Variants in ADGRV1 observed in about 807,000 individuals in gnomAD.
ADGRV1 encodes the protein adhesion G protein-coupled receptor V1, also known as G-protein coupled receptor 98.
In ADGRV1, 359 loss-of-function variants were observed where a neutral mutation model predicts 596.2. That is an observed-to-expected ratio of 0.60 (90% confidence interval 0.55 to 0.66). The LOEUF is 0.66. Ranked by LOEUF, ADGRV1 falls within the 30% of genes least tolerant of loss-of-function variation. ADGRV1 has a pLI of 0.00. For synonymous variants in ADGRV1, 2,681 were observed against 2,679.2 expected (o/e 1.00, Z -0.02); for missense variants, 7,274 against 7,575.6 (o/e 0.96, Z 1.48).
intron 70 of ADGRV1, among the ~76,000 whole-genome samples, chr5:90,794,208 C>T (rs867008169): frequency 6.6e-6 from 1 of 152,148 alleles, no homozygotes; most frequent in South Asian, 2.1e-4. Context: ...TGGCTTCTAA[C>T]CTGCAAGTGG....
chr5:91,107,422 G>GTTTTGTTTTTGT (rs141924606), intron 87 of ADGRV1, among the ~76,000 whole-genome samples: 214 of 150,678 alleles, frequency 1.4e-3, no homozygotes, highest in African/African-American at 4.2e-3. Flanking sequence ...GTTTCGTTTT[G>GTTTTGTTTTTGT]TTTTGTTTTT....
intron 85 of ADGRV1, among the ~76,000 whole-genome samples, chr5:91,014,467 T>C (rs1783013497): frequency 6.6e-6 from 1 of 152,068 alleles, no homozygotes; most frequent in East Asian, 1.9e-4. Flanking sequence ...CTCTTCTTTG[T>C]ACATCTGGTA....
chr5:91,157,052 A>G (rs1357282477), intron 89 of ADGRV1, among the ~76,000 whole-genome samples: 1 of 152,214 alleles, frequency 6.6e-6, no homozygotes, highest in African/African-American at 2.4e-5. Context: ...CCCTTTGGAC[A>G]TGAGCTCTTC....
intron 83 of ADGRV1, among the ~76,000 whole-genome samples, chr5:90,925,062 G>A (rs1211251614): frequency 6.6e-6 from 1 of 151,972 alleles, no homozygotes; most frequent in African/African-American, 2.4e-5. Context: ...AAGTCAGGTA[G>A]TGTGATGCCT....
chr5:90,628,875 C>T, intron 8 of ADGRV1, 43 bp downstream of exon 8: 2 of 1,573,944 alleles, frequency 1.3e-6, no homozygotes, highest in Middle Eastern at 1.7e-4. Flanking sequence ...TATTTCTGTG[C>T]TGTACAAGAA....
chr5:90,970,110 C>T (rs1239718985), intron 84 of ADGRV1, among the ~76,000 whole-genome samples: 2 of 152,220 alleles, frequency 1.3e-5, no homozygotes, highest in Non-Finnish European at 2.9e-5. Context: ...CCCACGCCCA[C>T]GGAGCCTCAC....
At chr5:90,740,685 A>T (rs1191258968) in intron 50 of ADGRV1, among the ~76,000 whole-genome samples, 1 of 152,138 alleles carries the variant, frequency 6.6e-6, no homozygotes, top group Non-Finnish European at 1.5e-5. Context: ...AAGTGACCTC[A>T]GGTGGTCTAG....
chr5:90,687,241 T>C (rs1414187923), intron 29 of ADGRV1, among the ~76,000 whole-genome samples: 2 of 152,204 alleles, frequency 1.3e-5, no homozygotes, highest in Admixed American at 1.3e-4. Context: ...CAATTTTGGC[T>C]TTTGTTGCCA....
chr5:90,694,229 T>C lies in ADGRV1; in HGVS notation c.7473T>C (p.Ser2491=), dbSNP rs935349011. Residue 2491 remains serine (S), a synonymous_variant, in exon 33 of 90, where the codon TCT becomes TCC. Transcript: ENST00000405460. ...GGAAAAACATGACCAGGGTAGCATC[T>C]CTTTTTAGTGGTCAGGCTGTGGCTG... The part of the protein sequence containing the change: ...TYRKNMTRVA[S]LFSGQAVAGS... The C allele has an allele frequency of 3.7e-6, 6 of 1,613,814 alleles. No individual in the cohort carries two copies. The African/African-American group carries it at 6.7e-5, about 18-fold the overall frequency.
At chr5:91,034,320 A>G (rs1784703314) in intron 85 of ADGRV1, among the ~76,000 whole-genome samples, 1 of 152,212 alleles carries the variant, frequency 6.6e-6, no homozygotes, top group African/African-American at 2.4e-5. Flanking sequence ...TCTACATAAC[A>G]CAGAACTCAT....
chr5:90,640,368 AGTTTT>A (rs1420770053), intron 11 of ADGRV1, among the ~76,000 whole-genome samples: 1 of 152,212 alleles, frequency 6.6e-6, no homozygotes, highest in Non-Finnish European at 1.5e-5. Context: ...CTAGTTACAC[AGTTTT>A]GTTTTTTCTA....
intron 59 of ADGRV1, among the ~76,000 whole-genome samples, chr5:90,773,574 A>C (rs566993475): frequency 7.9e-5 from 12 of 152,366 alleles, no homozygotes; most frequent in African/African-American, 2.6e-4. Flanking sequence ...AGATAAAAAC[A>C]AAATCTTAAA....
chr5:90,926,665 C>T (rs1271190583), intron 83 of ADGRV1, among the ~76,000 whole-genome samples: 4 of 151,060 alleles, frequency 2.6e-5, no homozygotes, highest in Non-Finnish European at 5.9e-5. Context: ...TTATTTCTAG[C>T]CTTCTGCTAG....
intron 87 of ADGRV1, among the ~76,000 whole-genome samples, chr5:91,108,057 A>T (rs1207857171): frequency 2.6e-5 from 4 of 152,224 alleles, no homozygotes; most frequent in African/African-American, 9.6e-5. Context: ...AGCAATGATT[A>T]TTTGTACTAC....
chr5:90,836,979 T>C (rs1765022111), intron 77 of ADGRV1, among the ~76,000 whole-genome samples: 1 of 152,258 alleles, frequency 6.6e-6, no homozygotes, highest in Non-Finnish European at 1.5e-5. Context: ...CAAGTTGTTA[T>C]TCTGTTATGA....
intron 22 of ADGRV1, among the ~76,000 whole-genome samples, chr5:90,673,371 A>C (rs1368118126): frequency 6.6e-6 from 1 of 152,174 alleles, no homozygotes; most frequent in Non-Finnish European, 1.5e-5. Flanking sequence ...TGGTACAAAA[A>C]ATATATGATA....
rs187572906 is a variant in ADGRV1 at position 90,741,834 on chromosome 5, G to A, written c.10550-3212G>A. ...AAGCTGAAATTATGCATTAAATAAT[G>A]TTCAAGGGCTTTCTTATTTTGAATG... On this transcript the variant is annotated intron_variant, in intron 50 of 89. Transcript: ENST00000405460. Among the ~76,000 whole-genome samples the A allele has an allele frequency of 4.6e-5, 7 of 152,244 alleles. No homozygotes were observed. The East Asian group carries it at 1.4e-3, about 29-fold the overall frequency.
chr5:90,670,139 A>G (rs1411320549), intron 21 of ADGRV1, among the ~76,000 whole-genome samples: 1 of 152,162 alleles, frequency 6.6e-6, no homozygotes, highest in African/African-American at 2.4e-5. Flanking sequence ...TTTCTAGGAT[A>G]TTTATTTCAT....
chr5:90,724,359 A>C (rs1042841734), intron 45 of ADGRV1, among the ~76,000 whole-genome samples: 1 of 152,108 alleles, frequency 6.6e-6, no homozygotes, highest in Non-Finnish European at 1.5e-5. Context: ...CCATCCGAGT[A>C]GCTGGTATTA....
Sources: allele counts gnomAD v4.1 joint callset (sites outside exome capture counted in the v4.1 genomes callset), GRCh38; gene constraint gnomAD v4.1.1; transcripts MANE v1.5; gene names NCBI Gene and HGNC (gene_info 2026-07-23, HGNC 2026-07-21).